The following ATP8A2 variants were observed in gnomAD, a reference collection of about 807,000 sequenced individuals.
ATP8A2 encodes ATPase phospholipid transporting 8A2.
A neutral mutation model predicts 165.6 loss-of-function variants in ATP8A2; 100 were observed. The observed-to-expected ratio is 0.60, with a 90% CI of 0.51 to 0.71. The LOEUF is 0.71. ATP8A2 is among the 30% of genes least tolerant of loss of function. The pLI is 0.00. For synonymous variants in ATP8A2, 543 were observed against 548.8 expected (o/e 0.99, Z 0.15); for missense variants, 1,227 against 1,479.5 (o/e 0.83, Z 2.80).
intron 33 of ATP8A2, among the ~76,000 whole-genome samples, chr13:25,951,317 G>T (rs2139145439): frequency 6.6e-6 from 1 of 152,298 alleles, no homozygotes; most frequent in East Asian, 1.9e-4. Context: ...TAAAAAGAAT[G>T]AATTACAGAT....
chr13:25,678,104 G>A (rs2042408978), intron 24 of ATP8A2, among the ~76,000 whole-genome samples: 1 of 152,176 alleles, frequency 6.6e-6, no homozygotes, highest in Non-Finnish European at 1.5e-5. Flanking sequence ...AAGTAATAGA[G>A]GTGCAGGTGG....
At chr13:25,656,102 A>G (rs760455206) in intron 24 of ATP8A2, among the ~76,000 whole-genome samples, 3 of 152,150 alleles carry the variant, frequency 2.0e-5, no homozygotes, top group Non-Finnish European at 2.9e-5. Context: ...CTGAAACCCT[A>G]TGCCTTCGTG....
intron 36 of ATP8A2, among the ~76,000 whole-genome samples, chr13:26,017,036 A>T (rs1956992610): frequency 6.6e-6 from 1 of 152,212 alleles, no homozygotes; most frequent in African/African-American, 2.4e-5. Context: ...TGCTGCAGCC[A>T]CTTGGGGCCA....
chr13:25,546,320 G>A (rs1280083210), intron 10 of ATP8A2, among the ~76,000 whole-genome samples: 4 of 152,098 alleles, frequency 2.6e-5, no homozygotes, highest in African/African-American at 9.7e-5. Flanking sequence ...ATAGAATGAT[G>A]GAAAACCCCA....
chr13:25,641,224 T>C (rs1465915913), intron 24 of ATP8A2, among the ~76,000 whole-genome samples: 1 of 152,188 alleles, frequency 6.6e-6, no homozygotes, highest in African/African-American at 2.4e-5. Context: ...TCACCACTCC[T>C]ATTCAACATA....
At chr13:25,552,021 C>G (rs2038838955) in intron 11 of ATP8A2, among the ~76,000 whole-genome samples, 1 of 152,124 alleles carries the variant, frequency 6.6e-6, no homozygotes, top group South Asian at 2.1e-4. Context: ...GAGTCTTGCT[C>G]TGTCGCCCAG....
At chr13:25,988,540 AAT>A (rs35731862) in intron 35 of ATP8A2, among the ~76,000 whole-genome samples, 68,433 of 151,742 alleles carry the variant, frequency 0.45, 15,805 homozygotes, top group African/African-American at 0.53. Context: ...CTTAATTGCT[AAT>A]ACTGCCTCCC....
In ATP8A2 at chr13:26,019,974, A is replaced by T. The variant is rs930961165; in HGVS notation, c.3556A>T (p.Arg1186Trp). The T allele has an allele frequency of 1.9e-6, 3 of 1,611,266 alleles. No individual in the cohort carries two copies. The highest frequency in any genetic ancestry group is 1.7e-6 in the Non-Finnish European group (2 of 1,177,374). Residue 1186 changes from arginine (R) to tryptophan (W), a missense_variant, in exon 37 of 37, where the codon AGG (arginine) becomes TGG (tryptophan). Physicochemically the swap from Arg to Trp is moderately radical, Grantham distance 101. Around this residue, in one of 5 missense-constraint regions of ATP8A2, gnomAD observed 15 missense variants for 37.1 expected, o/e 0.40. Transcript: ENST00000381655. ...RAYDTTKKKS[R>W]KK is the part of the protein sequence containing the mutation. ...TTATGACACCACCAAAAAGAAATCC[A>T]GGAAGAAATAAGACATGAATTTTCC... is the stretch of plus-strand genomic sequence containing the variant.
chr13:25,380,735 C>T (rs905811749), intron 1 of ATP8A2, among the ~76,000 whole-genome samples: 1 of 152,084 alleles, frequency 6.6e-6, no homozygotes, highest in Non-Finnish European at 1.5e-5. Context: ...GAATTGCAGA[C>T]TTGCAGAAAT....
rs573145876 is a variant in ATP8A2 at position 25,548,948 on chromosome 13, T to C, written c.892-2390T>C. ...TTTTTCTTGGAGCTTAGGAGTGAAT[T>C]GCCTCATGTTTTCATCTCAGTTTTA... On this transcript the variant is annotated intron_variant, in intron 10 of 36. Transcript: ENST00000381655. 7.2e-5 allele frequency among the ~76,000 whole-genome samples: 11 copies of C among 152,346 alleles called. No homozygotes were observed. In the South Asian group the frequency reaches 1.7e-3, roughly 23 times the overall value.
intron 7 of ATP8A2, among the ~76,000 whole-genome samples, chr13:25,539,435 C>T (rs1052054700): frequency 4.6e-5 from 7 of 151,300 alleles, no homozygotes; most frequent in African/African-American, 1.7e-4. Context: ...TTAACTTGGT[C>T]TTAATACCAG....
chr13:25,636,334 G>A (rs897557597), intron 24 of ATP8A2, among the ~76,000 whole-genome samples: 1 of 152,138 alleles, frequency 6.6e-6, no homozygotes, highest in African/African-American at 2.4e-5. Context: ...ATTTTATAAT[G>A]TACAAAATCC....
In ATP8A2 at chr13:25,570,862, C is replaced by G; in HGVS notation, c.1569C>G (p.Ala523=). The part of the protein sequence containing the change: ...EKDGDNIIYQ[A]SSPDEAALVK... ...ATGGAGATAACATCATCTACCAGGC[C>G]TCTTCCCCAGGTGAGGGCTCTGGCC... Residue 523 remains alanine, a synonymous_variant, in exon 17 of 37, where the codon GCC becomes GCG. Coordinates refer to ENST00000381655, the MANE Select transcript of ATP8A2 (RefSeq NM_016529.6). 2 of 1,612,594 alleles carry G rather than the reference C, an allele frequency of 1.2e-6. No individual in the cohort carries two copies. Among genetic ancestry groups the G allele is most frequent in the African/African-American group, 1.3e-5 (1 of 75,044 alleles).
At position 25,372,395 on chromosome 13, in the gene ATP8A2, C is replaced by G. The variant is rs2032440409; in HGVS notation, c.76+107C>G. 1.4e-6 allele frequency: 1 copy of G among 733,066 alleles called. No homozygotes were observed. Among genetic ancestry groups the G allele is most frequent in the East Asian group, 3.7e-5 (1 of 26,878 alleles). 45.4% of individuals were successfully genotyped at this position (733,066 alleles called of 1,614,324 possible). A position where few individuals can be genotyped will look rare whatever the true frequency, so the allele number is the denominator to read the frequency against. On this transcript the variant is annotated intron_variant, in intron 1 of 36. Transcript: ENST00000381655. The surrounding 1 kb of genome is among the most constrained non-coding windows in gnomAD (Gnocchi z 4.8). ...CCCCGCCCGCGCCCCGCTCCCCTCC[C>G]TGGGCTCCCTGGGCTCTCTGGGCTG...
chr13:25,894,363 T>C (rs1334403525), intron 33 of ATP8A2, among the ~76,000 whole-genome samples: 1 of 152,248 alleles, frequency 6.6e-6, no homozygotes. Flanking sequence ...GCATTATTTC[T>C]GAGGGCTCTG....
rs1034680286 is a variant in ATP8A2 at position 25,711,481 on chromosome 13, G to A, written c.2384+12136G>A. On this transcript the variant is annotated intron_variant, in intron 25 of 36. Coordinates refer to ENST00000381655, the MANE Select transcript of ATP8A2 (RefSeq NM_016529.6). The stretch of plus-strand genomic sequence containing the variant: ...TCCCAGCATTTTGGGAGGCTGAGGC[G>A]AAAAGGTTGTGTGAGGCCAGGAATT... 3.9e-5 allele frequency among the ~76,000 whole-genome samples: 6 copies of A among 152,032 alleles called. No individual in the cohort carries two copies. The East Asian group carries it at 7.7e-4, about 20-fold the overall frequency.
chr13:25,636,570 A>G (rs1055543721), intron 24 of ATP8A2, among the ~76,000 whole-genome samples: 4 of 152,150 alleles, frequency 2.6e-5, no homozygotes, highest in Non-Finnish European at 4.4e-5. Context: ...TCTAATATCA[A>G]TGGACACAAA....
chr13:25,492,236 T>A (rs976696522), intron 2 of ATP8A2, among the ~76,000 whole-genome samples: 7 of 152,090 alleles, frequency 4.6e-5, no homozygotes, highest in Non-Finnish European at 8.8e-5. Flanking sequence ...TTTGTATTTT[T>A]GTAGAGATGG....
chr13:25,479,325 C>T (rs923269642), intron 2 of ATP8A2, among the ~76,000 whole-genome samples: 3 of 151,914 alleles, frequency 2.0e-5, no homozygotes, highest in Non-Finnish European at 4.4e-5. Flanking sequence ...TGCTTTTGGC[C>T]GATTTGTCAG....
Sources: gnomAD v4.1 joint callset for allele counts (sites outside exome capture counted in the v4.1 genomes callset) on GRCh38, gnomAD v4.1.1 for gene constraint, gnomAD v4.1.1 regional missense constraint, Gnocchi (gnomAD v3.1) non-coding constraint, MANE v1.5 for transcripts, NCBI Gene and HGNC (gene_info 2026-07-23, HGNC 2026-07-21) for gene names.